FRS2: variants seen among roughly 807,000 people sequenced by gnomAD.
The protein encoded by FRS2 is FGFR signalling adaptor.
A neutral mutation model predicts 43.9 loss-of-function variants in FRS2; 8 were observed. That is an observed-to-expected ratio of 0.18 (90% confidence interval 0.11 to 0.33). The LOEUF is 0.33. Among genes scored for constraint, FRS2 ranks in the 10% least tolerant of loss-of-function variants. The pLI, the probability that FRS2 is intolerant of heterozygous loss-of-function variation, is 1.00. For synonymous variants in FRS2, 219 were observed against 220.3 expected (o/e 0.99, Z 0.05); for missense variants, 534 against 627.6 (o/e 0.85, Z 1.59).
At chr12:69,521,476 G>C (rs1429531853) in intron 1 of FRS2, among the ~76,000 whole-genome samples, 1 of 152,138 alleles carries the variant, frequency 6.6e-6, no homozygotes. Flanking sequence ...TCCTTGTTTT[G>C]TGCTGGTTTT....
chr12:69,471,802 T>A (rs2120542878), intron 1 of FRS2, among the ~76,000 whole-genome samples: 1 of 152,362 alleles, frequency 6.6e-6, no homozygotes. Context: ...TTGAAACCAG[T>A]GACGCTATCT....
intron 1 of FRS2, among the ~76,000 whole-genome samples, chr12:69,527,874 A>G (rs1876414698): frequency 6.6e-6 from 1 of 152,244 alleles, no homozygotes; most frequent in Admixed American, 6.5e-5. Context: ...TTTGAACATT[A>G]AATTTCATCA....
At chr12:69,483,788 G>A (rs915016785) in intron 1 of FRS2, among the ~76,000 whole-genome samples, 1 of 152,148 alleles carries the variant, frequency 6.6e-6, no homozygotes, top group African/African-American at 2.4e-5. Context: ...CTTAAGGTAG[G>A]TTCCCAGGTA....
rs376137375 is a variant in FRS2 at position 69,574,631 on chromosome 12, A to G, written c.1203A>G (p.Pro401=). Residue 401 remains proline, a synonymous_variant, in exon 9 of 9, where the codon CCA becomes CCG. Transcript: ENST00000549921. ...TAAATACAGAGAATGTAACAGTGCC[A>G]GCAAGTGCTCACAAAATAGAATATT... ...NYVNTENVTV[P]ASAHKIEYSR... is the part of the protein sequence containing the mutation. The G allele has an allele frequency of 3.1e-6, 5 of 1,614,068 alleles. No individual in the cohort carries two copies. The African/African-American group carries it at 6.7e-5, about 22-fold the overall frequency.
At chr12:69,478,315 A>G (rs10748130) in intron 1 of FRS2, among the ~76,000 whole-genome samples, 57,486 of 152,008 alleles carry the variant, frequency 0.38, 11,403 homozygotes, top group South Asian at 0.59. Context: ...GAAATGTTCT[A>G]TGTCTATGCT....
chr12:69,500,234 C>G (rs1057376312), intron 1 of FRS2, among the ~76,000 whole-genome samples: 7 of 152,198 alleles, frequency 4.6e-5, no homozygotes, highest in African/African-American at 1.4e-4. Context: ...AAAACAACAA[C>G]AAACGACATG....
chr12:69,490,521 A>C (rs1217548024), intron 1 of FRS2, among the ~76,000 whole-genome samples: 1 of 149,224 alleles, frequency 6.7e-6, no homozygotes, highest in Non-Finnish European at 1.5e-5. Context: ...GATTCAAATG[A>C]TTTTGGCACT....
chr12:69,537,612 C>A (rs1015023576), intron 3 of FRS2, among the ~76,000 whole-genome samples: 1 of 151,340 alleles, frequency 6.6e-6, no homozygotes, highest in African/African-American at 2.4e-5. Flanking sequence ...TTTTTCCTTC[C>A]CATTTAGTGT....
chr12:69,520,855 C>A (rs1424680169), intron 1 of FRS2, among the ~76,000 whole-genome samples: 1 of 152,080 alleles, frequency 6.6e-6, no homozygotes, highest in Non-Finnish European at 1.5e-5. Flanking sequence ...AGCATGATGG[C>A]TCCTGCTTTG....
Position 69,574,978 on chromosome 12 carries a change from T to C in FRS2, c.*23T>C, listed in dbSNP as rs767257775. The C allele has an allele frequency of 6.8e-7, 1 of 1,464,158 alleles. No individual in the cohort carries two copies. The highest frequency in any genetic ancestry group is 9.5e-7 in the Non-Finnish European group (1 of 1,052,836). 90.7% of individuals were successfully genotyped at this position (1,464,158 alleles called of 1,614,324 possible). On this transcript the variant is annotated 3_prime_UTR_variant, in exon 9 of 9. Coordinates refer to ENST00000549921, the MANE Select transcript of FRS2 (RefSeq NM_001278356.2). ...TGAGCCTGGAAAGCATTGTGTTGTTTGCACCTTTGTGAAGTTTTTAAAAAT... is the reference window on the plus strand; with the variant it reads ...TGAGCCTGGAAAGCATTGTGTTGTTCGCACCTTTGTGAAGTTTTTAAAAAT...
chr12:69,480,288 C>G (rs1429454831), intron 1 of FRS2: 1 of 152,216 alleles, frequency 6.6e-6, no homozygotes, highest in Non-Finnish European at 1.5e-5. Flanking sequence ...CTTATTTCCT[C>G]TTTTCTCTAG....
chr12:69,538,814 A>G (rs769572434), intron 3 of FRS2, among the ~76,000 whole-genome samples: 13 of 152,286 alleles, frequency 8.5e-5, no homozygotes, highest in Non-Finnish European at 1.9e-4. Context: ...AAGTGATAAT[A>G]CCCTATCTAT....
intron 1 of FRS2, among the ~76,000 whole-genome samples, chr12:69,471,292 T>G (rs1183887096): frequency 6.6e-6 from 1 of 152,080 alleles, no homozygotes; most frequent in South Asian, 2.1e-4. Context: ...TTTTCTCTAA[T>G]CTACACTCTT....
intron 1 of FRS2, among the ~76,000 whole-genome samples, chr12:69,521,740 A>G (rs549969861): frequency 7.9e-5 from 12 of 151,950 alleles, no homozygotes; most frequent in African/African-American, 2.9e-4. Context: ...TCAGCCTCCC[A>G]AGTAGCTGGG....
intron 1 of FRS2, among the ~76,000 whole-genome samples, chr12:69,476,753 C>CGGGG (rs60543134): frequency 2.5e-5 from 2 of 80,106 alleles, no homozygotes; most frequent in African/African-American, 4.7e-5. Flanking sequence ...GGGGGAGGGA[C>CGGGG]GGGGGGGGGT....
At chr12:69,557,534 A>G (rs1260888432) in intron 3 of FRS2, among the ~76,000 whole-genome samples, 1 of 150,096 alleles carries the variant, frequency 6.7e-6, no homozygotes, top group Non-Finnish European at 1.5e-5. Flanking sequence ...ATGGTATTTG[A>G]TTTCCCTGTA....
chr12:69,524,370 G>C (rs1875993379), intron 1 of FRS2, among the ~76,000 whole-genome samples: 1 of 152,070 alleles, frequency 6.6e-6, no homozygotes, highest in South Asian at 2.1e-4. Flanking sequence ...GCTAGTGCTT[G>C]TAGGCAAAGC....
intron 1 of FRS2, among the ~76,000 whole-genome samples, chr12:69,496,961 A>G (rs932179485): frequency 2.9e-4 from 44 of 152,252 alleles, no homozygotes; most frequent in African/African-American, 9.6e-4. Context: ...ATTATTCCAA[A>G]TGTATGAAAG....
rs61759370 is a variant in FRS2, at chr12:69,575,049, T to C, written c.*94T>C. ...TTCATTTCTAAACACTAACTCCTTT[T>C]ATAGACTGATAAAATTTTTTTCTGA... On this transcript the variant is annotated 3_prime_UTR_variant, in exon 9 of 9. Coordinates refer to ENST00000549921, the MANE Select transcript of FRS2 (RefSeq NM_001278356.2). 3.4e-3 allele frequency: 2,659 copies of C among 782,308 alleles called. 12 individuals are homozygous for C. Among genetic ancestry groups the C allele is most frequent in the Non-Finnish European group, 4.6e-3 (2,184 of 478,194 alleles). 48.5% of individuals were successfully genotyped at this position (782,308 alleles called of 1,614,324 possible).
Sources: gnomAD v4.1 joint callset for allele counts (sites outside exome capture counted in the v4.1 genomes callset) on GRCh38, gnomAD v4.1.1 for gene constraint, MANE v1.5 for transcripts, NCBI Gene and HGNC (gene_info 2026-07-23, HGNC 2026-07-21) for gene names.